Variants in ALOX5 observed in about 807,000 individuals in gnomAD.
ALOX5 encodes polyunsaturated fatty acid 5-lipoxygenase.
In ALOX5, 64 loss-of-function variants were observed where a neutral mutation model predicts 87.9. The observed-to-expected ratio is 0.73, with a 90% confidence interval of 0.60 to 0.90. ALOX5 has a LOEUF of 0.90. ALOX5 is among the 40% of genes least tolerant of loss of function. The pLI is 0.00. For synonymous variants in ALOX5, 388 were observed against 355.1 expected (o/e 1.09, Z -1.04); for missense variants, 822 against 907.5 (o/e 0.91, Z 1.21).
At chr10:45,394,042 T>C (rs1840402683) in intron 2 of ALOX5, among the ~76,000 whole-genome samples, 1 of 152,206 alleles carries the variant, frequency 6.6e-6, no homozygotes, top group Non-Finnish European at 1.5e-5. Flanking sequence ...AGGTAATTTA[T>C]AGATTCAATG....
chr10:45,444,370 C>T (rs2288619), intron 13 of ALOX5, 84 bp downstream of exon 13: 102,662 of 1,448,798 alleles, frequency 0.071, 4,174 homozygotes, highest in African/African-American at 0.16. Flanking sequence ...GACTCGGGCC[C>T]CAAGGCTCAC....
chr10:45,374,638 G>C (rs554874884), intron 1 of ALOX5, among the ~76,000 whole-genome samples: 2 of 152,284 alleles, frequency 1.3e-5, no homozygotes, highest in South Asian at 4.1e-4. Context: ...GTGGGCAAGC[G>C]TCCAGGACCC....
rs543751091 is a variant in ALOX5 at position 45,432,151 on chromosome 10, TAGAG to T, written c.981+3390_981+3393del. On this transcript the variant is annotated intron_variant, in intron 7 of 13. Transcript: ENST00000374391. ...TTTTTTGAAAAAAATTAAAACCACA[TAGAG>T]AGGCAGGGCAACCAAGTGAGACCTC... is the stretch of plus-strand genomic sequence containing the variant. Among the ~76,000 whole-genome samples, 121 of 147,782 alleles carry T rather than the reference TAGAG, an allele frequency of 8.2e-4. 1 individual carries two copies. In the South Asian group the frequency reaches 8.3e-3, roughly 10 times the overall value.
At chr10:45,383,454 C>T (rs1025611892) in intron 2 of ALOX5, among the ~76,000 whole-genome samples, 5 of 152,214 alleles carry the variant, frequency 3.3e-5, no homozygotes, top group Admixed American at 1.3e-4. Flanking sequence ...CGAGTCATAA[C>T]CCTTCAGCTT....
chr10:45,403,718 A>G (rs1840781967), intron 3 of ALOX5, among the ~76,000 whole-genome samples: 1 of 152,222 alleles, frequency 6.6e-6, no homozygotes, highest in Non-Finnish European at 1.5e-5. Flanking sequence ...TTAAGGGTTT[A>G]TAAATGTGTG....
chr10:45,407,402 T>C (rs551001577), intron 3 of ALOX5, among the ~76,000 whole-genome samples: 2,665 of 141,296 alleles, frequency 0.019, 72 homozygotes, highest in African/African-American at 0.06. Context: ...TTTTTTTTTT[T>C]CCCCCCCACC....
chr10:45,403,614 A>G lies in ALOX5; in HGVS notation c.431+7678A>G, dbSNP rs542071203. Among the ~76,000 whole-genome samples, 5 of 152,272 alleles carry G rather than the reference A, an allele frequency of 3.3e-5. No homozygotes were observed. In the East Asian group the frequency reaches 9.6e-4, roughly 29 times the overall value. Reference sequence around the variant, plus strand: ...ATATATACATATCCATACATATTTTATATATTCTATTTCCCAATTGAAAAA... The same window carrying G: ...ATATATACATATCCATACATATTTTGTATATTCTATTTCCCAATTGAAAAA... On this transcript the variant is annotated intron_variant, in intron 3 of 13. Transcript: ENST00000374391.
intron 7 of ALOX5, among the ~76,000 whole-genome samples, chr10:45,434,915 T>C (rs1016339366): frequency 6.6e-6 from 1 of 152,248 alleles, no homozygotes; most frequent in Non-Finnish European, 1.5e-5. Flanking sequence ...GTTTTCTTTC[T>C]CAGGCTCTCC....
At chr10:45,431,977 C>T (rs965007853) in intron 7 of ALOX5, among the ~76,000 whole-genome samples, 1 of 151,736 alleles carries the variant, frequency 6.6e-6, no homozygotes, top group Non-Finnish European at 1.5e-5. Flanking sequence ...ATTATAAAAA[C>T]TTAATGCACT....
chr10:45,383,787 G>T (rs907513086), intron 2 of ALOX5, among the ~76,000 whole-genome samples: 5 of 152,198 alleles, frequency 3.3e-5, no homozygotes, highest in African/African-American at 1.2e-4. Context: ...TGAACATGGA[G>T]TTAAGAGGAT....
At chr10:45,382,173 A>G (rs1839853646) in intron 1 of ALOX5, among the ~76,000 whole-genome samples, 1 of 152,134 alleles carries the variant, frequency 6.6e-6, no homozygotes, top group Non-Finnish European at 1.5e-5. Context: ...GTGACTCGGG[A>G]GGTAAGCGTT....
intron 4 of ALOX5, among the ~76,000 whole-genome samples, chr10:45,421,457 G>C (rs186725491): frequency 2.0e-5 from 3 of 152,236 alleles, no homozygotes; most frequent in African/African-American, 4.8e-5. Flanking sequence ...CAGGGCTCTC[G>C]GGGCCTGCGT....
intron 2 of ALOX5, among the ~76,000 whole-genome samples, chr10:45,387,722 G>C (rs1429956633): frequency 6.6e-6 from 1 of 152,242 alleles, no homozygotes; most frequent in Non-Finnish European, 1.5e-5. Flanking sequence ...CTTGCTGAGT[G>C]AGTGGGCAAG....
In ALOX5 at chr10:45,443,459, G is replaced by A. The variant is rs572643270; in HGVS notation, c.1495G>A (p.Val499Met). Reference protein sequence around the residue: ...VVDIYYEGDQVVEEDPELQDF... With the variant: ...VVDIYYEGDQMVEEDPELQDF... ...AGACATCTACTACGAGGGCGACCAG[G>A]TGGTGGAGGAGGACCCGGAGCTGCA... The change falls in exon 11 of 14, where the codon GTG (valine) becomes ATG (methionine). Residue 499 changes from valine to methionine, a missense_variant. Transcript: ENST00000374391. The A allele has an allele frequency of 1.9e-6, 3 of 1,612,566 alleles. No homozygotes were observed. The highest frequency in any genetic ancestry group is 2.7e-5 in the African/African-American group (2 of 75,014).
chr10:45,432,421 A>T (rs1841936373), intron 7 of ALOX5, among the ~76,000 whole-genome samples: 1 of 152,006 alleles, frequency 6.6e-6, no homozygotes, highest in African/African-American at 2.4e-5. Context: ...CTGGATTTGT[A>T]AGGTTACTGT....
chr10:45,441,990 T>C (rs895775173), intron 9 of ALOX5, among the ~76,000 whole-genome samples: 2 of 151,996 alleles, frequency 1.3e-5, no homozygotes, highest in African/African-American at 4.8e-5. Flanking sequence ...CTTCCTCCTT[T>C]CCCCAGCCCA....
Position 45,438,246 on chromosome 10 carries a change from C to A in ALOX5, c.982-2184C>A, listed in dbSNP as rs564448375. ...TGAGAGTGGACATCCTTGTCTTGTT[C>A]CAGTTTTTAGGGGGATTGCTTCCAA... is the stretch of plus-strand genomic sequence containing the variant. On this transcript the variant is annotated intron_variant, in intron 7 of 13. Transcript: ENST00000374391. 3.3e-5 allele frequency among the ~76,000 whole-genome samples: 5 copies of A among 151,792 alleles called. No individual in the cohort carries two copies. The South Asian group carries it at 1.0e-3, about 32-fold the overall frequency.
intron 4 of ALOX5, among the ~76,000 whole-genome samples, chr10:45,416,938 A>G (rs932299901): frequency 6.6e-6 from 1 of 151,662 alleles, no homozygotes. Flanking sequence ...ATGGATGGAT[A>G]GATGGATGGA....
At chr10:45,428,541 T>G in intron 6 of ALOX5, 77 bp from the exon 7 acceptor site, 6 of 1,564,088 alleles carry the variant, frequency 3.8e-6, no homozygotes, top group Non-Finnish European at 5.2e-6. Flanking sequence ...TGCCCAGAGG[T>G]CATCACTCTT....
Sources: allele counts gnomAD v4.1 joint callset (sites outside exome capture counted in the v4.1 genomes callset), GRCh38; gene constraint gnomAD v4.1.1; transcripts MANE v1.5; gene names NCBI Gene and HGNC (gene_info 2026-07-23, HGNC 2026-07-21).